TRPC6: variants seen among roughly 807,000 people sequenced by gnomAD.
The protein encoded by TRPC6 is short transient receptor potential channel 6.
In TRPC6, 55 loss-of-function variants were observed where a neutral mutation model predicts 90.7. That is an observed-to-expected ratio of 0.61 (90% CI 0.49 to 0.76). The LOEUF (loss-of-function observed/expected upper bound fraction) is 0.76, where lower values mean the gene tolerates loss of function less well. Ranked by LOEUF, TRPC6 falls within the 30% of genes least tolerant of loss-of-function variation. The probability of loss-of-function intolerance (pLI) is 0.00; values close to 1 mark genes in which losing one functional copy is unlikely to be tolerated. For synonymous variants in TRPC6, 393 were observed against 393.0 expected (o/e 1.00, Z 0.00); for missense variants, 989 against 1,122.7 (o/e 0.88, Z 1.70).
chr11:101,539,804 T>C (rs948475036), intron 1 of TRPC6, among the ~76,000 whole-genome samples: 3 of 152,218 alleles, frequency 2.0e-5, no homozygotes, highest in Non-Finnish European at 4.4e-5. Flanking sequence ...TTAGGAGCGT[T>C]ACATTAAAAT....
At chr11:101,535,919 CTG>C (rs1272189164) in intron 1 of TRPC6, among the ~76,000 whole-genome samples, 1 of 152,116 alleles carries the variant, frequency 6.6e-6, no homozygotes, top group African/African-American at 2.4e-5. Flanking sequence ...AAATGGCAGA[CTG>C]TTTAAAATGC....
chr11:101,483,200 T>C (rs1210899358), intron 4 of TRPC6, 35 bp from the exon 5 acceptor site: 2 of 1,611,696 alleles, frequency 1.2e-6, no homozygotes, highest in Non-Finnish European at 1.7e-6. Flanking sequence ...AATCTTAACT[T>C]TGTTTTGTAC....
chr11:101,500,033 G>A (rs865920716), intron 2 of TRPC6, among the ~76,000 whole-genome samples: 2 of 40,586 alleles, frequency 4.9e-5, no homozygotes, highest in Admixed American at 1.9e-4. Context: ...TATAAAATGT[G>A]TATATATATA....
chr11:101,478,714 C>T (rs1859473988), intron 5 of TRPC6, among the ~76,000 whole-genome samples: 1 of 152,130 alleles, frequency 6.6e-6, no homozygotes, highest in Non-Finnish European at 1.5e-5. Flanking sequence ...CAAGCCTCTG[C>T]TCGTATAGAT....
intron 2 of TRPC6, among the ~76,000 whole-genome samples, chr11:101,503,256 T>C (rs1416647466): frequency 6.6e-6 from 1 of 152,172 alleles, no homozygotes; most frequent in East Asian, 1.9e-4. Context: ...TCTCTCCAGA[T>C]ACCTCTTATT....
At chr11:101,575,503 G>A (rs1233404594) in intron 1 of TRPC6, among the ~76,000 whole-genome samples, 1 of 152,092 alleles carries the variant, frequency 6.6e-6, no homozygotes, top group Non-Finnish European at 1.5e-5. Context: ...TCAGTAAAGT[G>A]AGGATTATAA....
intron 10 of TRPC6, among the ~76,000 whole-genome samples, chr11:101,458,885 A>G (rs1490433166): frequency 6.6e-6 from 1 of 152,192 alleles, no homozygotes; most frequent in Non-Finnish European, 1.5e-5. Context: ...TTCACTTACC[A>G]TCTTAGATAT....
At chr11:101,510,561 T>A (rs946367523) in intron 1 of TRPC6, among the ~76,000 whole-genome samples, 3 of 152,194 alleles carry the variant, frequency 2.0e-5, no homozygotes, top group African/African-American at 7.2e-5. Flanking sequence ...TACATTTTCA[T>A]GTCTGTATTT....
At chr11:101,479,449 A>G (rs1276973037) in intron 5 of TRPC6, among the ~76,000 whole-genome samples, 2 of 152,140 alleles carry the variant, frequency 1.3e-5, no homozygotes, top group Non-Finnish European at 2.9e-5. Flanking sequence ...AACATCTCCT[A>G]ACACATCAGT....
intron 1 of TRPC6, among the ~76,000 whole-genome samples, chr11:101,525,057 TAA>T (rs923195142): frequency 2.6e-5 from 4 of 152,198 alleles, no homozygotes; most frequent in African/African-American, 9.7e-5. Flanking sequence ...TGAATATGTT[TAA>T]AAGTCTGGTG....
intron 8 of TRPC6, among the ~76,000 whole-genome samples, chr11:101,471,600 T>G (rs577400297): frequency 2.0e-4 from 30 of 152,260 alleles, no homozygotes; most frequent in African/African-American, 6.7e-4. Context: ...ACTATTAATC[T>G]CCAAGTTCCC....
At chr11:101,546,517 A>T (rs1326698473) in intron 1 of TRPC6, among the ~76,000 whole-genome samples, 1 of 152,162 alleles carries the variant, frequency 6.6e-6, no homozygotes, top group Non-Finnish European at 1.5e-5. Context: ...GACCAGAGAA[A>T]CCTGACTTTG....
intron 2 of TRPC6, among the ~76,000 whole-genome samples, chr11:101,495,589 GTAATTATTATTATTA>G (rs1202085866): frequency 3.4e-4 from 47 of 137,354 alleles, no homozygotes; most frequent in African/African-American, 1.1e-3. Context: ...CAGATCAATG[GTAATTATTATTATTA>G]TTATTATTAT....
At position 101,452,153 on chromosome 11, in the gene TRPC6, A is replaced by G. The variant is rs1052808900; in HGVS notation, c.*802T>C. 2.6e-5 allele frequency: 4 copies of G among 152,160 alleles called. No individual in the cohort carries two copies. Among genetic ancestry groups the G allele is most frequent in the African/African-American group, 4.8e-5 (2 of 41,436 alleles). The allele number at this position is 152,160 out of a possible 1,614,324, so 9.4% of individuals were successfully genotyped here. On this transcript the variant is annotated 3_prime_UTR_variant, in exon 13 of 13. Transcript: ENST00000344327. ...TGTTTGGGGTTTTGATTTTTCTCCA[A>G]TAAAAGGTACTTATTTAGACAGTAA...
At chr11:101,479,593 A>G (rs928233197) in intron 5 of TRPC6, among the ~76,000 whole-genome samples, 1 of 152,234 alleles carries the variant, frequency 6.6e-6, no homozygotes, top group Non-Finnish European at 1.5e-5. Flanking sequence ...CTTCTTATTA[A>G]CATTTCCAGA....
intron 2 of TRPC6, among the ~76,000 whole-genome samples, chr11:101,499,188 T>G (rs1404321097): frequency 6.6e-6 from 1 of 152,210 alleles, no homozygotes; most frequent in African/African-American, 2.4e-5. Flanking sequence ...TGTATTGAAA[T>G]GTAAATGATT....
chr11:101,483,037 T>A lies in TRPC6; in HGVS notation c.1422A>T (p.Glu474Asp). The A allele has an allele frequency of 6.2e-7, 1 of 1,614,066 alleles. No homozygotes were observed. The highest frequency in any genetic ancestry group is 8.5e-7 in the Non-Finnish European group (1 of 1,179,954). ...GCTGTTTTGCATTATCTGTGCTGGT[T>A]TCATTAGGAAGGAGTTTTGTGCCTT... ...RFEGTKLLPNETSTDNAKQLF... is the reference protein window; with the variant it reads ...RFEGTKLLPNDTSTDNAKQLF... The change falls in exon 5 of 13, where the codon GAA (glutamate) becomes GAT (aspartate). Residue 474 changes from glutamate to aspartate, a missense_variant. Transcript: ENST00000344327.
At position 101,455,239 on chromosome 11, in the gene TRPC6, G is replaced by A. The variant is rs7105083; in HGVS notation, c.2485-138C>T. The A allele has an allele frequency of 0.24, 169,270 of 696,594 alleles. 24,924 individuals carry two copies. The highest frequency in any genetic ancestry group is 0.58 in the African/African-American group (32,105 of 55,184). 43.2% of individuals were successfully genotyped at this position (696,594 alleles called of 1,614,324 possible). On this transcript the variant is annotated intron_variant, in intron 10 of 12. Coordinates refer to ENST00000344327, the MANE Select transcript of TRPC6 (RefSeq NM_004621.6). ...TGTATAGTGCCATTTATCTTGCTTAGTATTCTGTCTTCCAAGACAAATCAG... is the reference window on the plus strand; with the variant it reads ...TGTATAGTGCCATTTATCTTGCTTAATATTCTGTCTTCCAAGACAAATCAG...
intron 1 of TRPC6, among the ~76,000 whole-genome samples, chr11:101,537,218 T>C (rs769641858): frequency 2.6e-5 from 4 of 151,712 alleles, no homozygotes; most frequent in Non-Finnish European, 5.9e-5. Context: ...ACCTCTTTTA[T>C]ATTATACCTT....
Sources: gnomAD v4.1 joint callset for allele counts (sites outside exome capture counted in the v4.1 genomes callset) on GRCh38, gnomAD v4.1.1 for gene constraint, MANE v1.5 for transcripts, NCBI Gene and HGNC (gene_info 2026-07-23, HGNC 2026-07-21) for gene names.